Variants in CAMK1D observed in about 807,000 individuals in gnomAD.
CAMK1D encodes the protein calcium/calmodulin dependent protein kinase ID, also known as calcium/calmodulin-dependent protein kinase type 1D.
Under a neutral mutation model 47.7 loss-of-function variants are expected in CAMK1D, and 9 were observed. That is an observed-to-expected ratio of 0.19 (90% CI 0.11 to 0.33). The LOEUF is 0.33. Ranked by LOEUF, CAMK1D falls within the 10% of genes least tolerant of loss-of-function variation. The pLI is 1.00. For missense variants in CAMK1D, 291 were observed against 488.7 expected (o/e 0.60, Z 3.81); for synonymous variants, 184 against 184.9 (o/e 0.99, Z 0.04).
intron 2 of CAMK1D, among the ~76,000 whole-genome samples, chr10:12,633,581 G>C (rs898841658): frequency 2.6e-5 from 4 of 152,154 alleles, no homozygotes; most frequent in African/African-American, 9.7e-5. Context: ...TTTTGAGGTA[G>C]CATCTCACTC....
chr10:12,616,991 G>T (rs563154815), intron 2 of CAMK1D, among the ~76,000 whole-genome samples: 1 of 152,130 alleles, frequency 6.6e-6, no homozygotes, highest in Admixed American at 6.5e-5. Flanking sequence ...TGGAAGTGTA[G>T]CTTGGGGATC....
intron 2 of CAMK1D, among the ~76,000 whole-genome samples, chr10:12,625,268 G>A (rs1429690263): frequency 2.7e-5 from 4 of 150,534 alleles, no homozygotes; most frequent in African/African-American, 4.9e-5. Flanking sequence ...CCTGGGAGGC[G>A]GAGGTTGCAG....
chr10:12,606,698 T>C (rs1369294650), intron 2 of CAMK1D, among the ~76,000 whole-genome samples: 1 of 152,240 alleles, frequency 6.6e-6, no homozygotes, highest in African/African-American at 2.4e-5. Flanking sequence ...CACGCCCAAC[T>C]CTGAAGTCTG....
Position 12,690,512 on chromosome 10 carries a change from G to A in CAMK1D, c.299+23702G>A, listed in dbSNP as rs76764006. ...TATTTATGAGGGGGGTCAAGTGCCT[G>A]TGTAGTAGATAAACATATATGTAAC... On this transcript the variant is annotated intron_variant, in intron 3 of 10. Transcript: ENST00000619168. Among the ~76,000 whole-genome samples the A allele has an allele frequency of 5.9e-3, 896 of 152,284 alleles. 10 individuals carry two copies. The highest frequency in any genetic ancestry group is 0.02 in the African/African-American group (839 of 41,548).
chr10:12,641,370 C>G (rs914935566), intron 2 of CAMK1D, among the ~76,000 whole-genome samples: 13 of 151,914 alleles, frequency 8.6e-5, no homozygotes, highest in Non-Finnish European at 1.9e-4. Context: ...GCCTGTAATC[C>G]CAGCACTTTA....
At position 12,349,923 on chromosome 10, in the gene CAMK1D, C is replaced by G. The variant is rs539613946; in HGVS notation, c.92+13C>G. 4.0e-6 allele frequency: 6 copies of G among 1,513,082 alleles called. No homozygotes were observed. The South Asian group carries it at 4.7e-5, about 12-fold the overall frequency. The allele number at this position is 1,513,082 out of a possible 1,614,324, so 93.7% of individuals were successfully genotyped here. On this transcript the variant is annotated intron_variant, in intron 1 of 10. Coordinates refer to ENST00000619168, the MANE Select transcript of CAMK1D (RefSeq NM_153498.4). ...AGACCCTCGGAACGTAAGTGGGGAC[C>G]GGGGAGGCGAGGGTGGAGGTGGCCG... is the stretch of plus-strand genomic sequence containing the variant.
rs1193513321 is a variant in CAMK1D at position 12,835,390 on chromosome 10, A to G, written c.*6503A>G. On this transcript the variant is annotated 3_prime_UTR_variant, in exon 11 of 11. Coordinates refer to ENST00000619168, the MANE Select transcript of CAMK1D (RefSeq NM_153498.4). ...ATAAACTCTGCAAGAAGTTTAACCCACATAGGTTTGCGGCACTGCAAAATT... is the reference window on the plus strand; with the variant it reads ...ATAAACTCTGCAAGAAGTTTAACCCGCATAGGTTTGCGGCACTGCAAAATT... 6.6e-6 allele frequency: 1 copy of G among 152,232 alleles called. No individual in the cohort carries two copies. Among genetic ancestry groups the G allele is most frequent in the Admixed American group, 6.5e-5 (1 of 15,286 alleles). 9.4% of individuals were successfully genotyped at this position (152,232 alleles called of 1,614,324 possible).
At chr10:12,810,400 G>A (rs983881403) in intron 6 of CAMK1D, among the ~76,000 whole-genome samples, 3 of 151,076 alleles carry the variant, frequency 2.0e-5, no homozygotes, top group African/African-American at 4.9e-5. Context: ...TAAGCCTCCC[G>A]TGTAGCTGGG....
intron 1 of CAMK1D, among the ~76,000 whole-genome samples, chr10:12,393,734 A>C (rs1838832536): frequency 6.6e-6 from 1 of 152,212 alleles, no homozygotes; most frequent in Non-Finnish European, 1.5e-5. Context: ...GGCATGGGGA[A>C]GTGTCCTGCT....
intron 3 of CAMK1D, among the ~76,000 whole-genome samples, chr10:12,694,458 GTTATATATCATATATA>G (rs1191058598): frequency 6.3e-5 from 5 of 79,944 alleles, no homozygotes; most frequent in African/African-American, 1.5e-4. Flanking sequence ...AAATATATAT[GTTATATATCATATATA>G]AAATATATAT....
intron 2 of CAMK1D, among the ~76,000 whole-genome samples, chr10:12,562,183 T>C (rs1836965327): frequency 6.6e-6 from 1 of 152,136 alleles, no homozygotes; most frequent in Admixed American, 6.5e-5. Flanking sequence ...TTATGGCATA[T>C]GGCAGAAAAG....
At chr10:12,770,113 A>G (rs1354635212) in intron 5 of CAMK1D, among the ~76,000 whole-genome samples, 1 of 152,226 alleles carries the variant, frequency 6.6e-6, no homozygotes, top group Non-Finnish European at 1.5e-5. Flanking sequence ...GAGATACTGC[A>G]TACATCTGTT....
chr10:12,828,655 A>AT (rs1588977348), intron 10 of CAMK1D, 114 bp from the exon 11 acceptor site: 1 of 613,200 alleles, frequency 1.6e-6, no homozygotes, highest in Non-Finnish European at 2.7e-6. Context: ...AAAAAAAAAA[A>AT]TTGGGCCCCC....
chr10:12,734,101 G>A (rs947954874), intron 3 of CAMK1D, among the ~76,000 whole-genome samples: 6 of 151,504 alleles, frequency 4.0e-5, no homozygotes, highest in South Asian at 4.2e-4. Flanking sequence ...TCCGAGGCGC[G>A]TGGATCACTT....
intron 1 of CAMK1D, among the ~76,000 whole-genome samples, chr10:12,443,680 AGT>A (rs1207636211): frequency 1.3e-5 from 2 of 151,112 alleles, no homozygotes; most frequent in Non-Finnish European, 3.0e-5. Context: ...CCCAGGCTGG[AGT>A]AAAGTGGAGT....
chr10:12,671,031 C>T (rs1163048782), intron 3 of CAMK1D, among the ~76,000 whole-genome samples: 6 of 152,262 alleles, frequency 3.9e-5, no homozygotes, highest in African/African-American at 1.2e-4. Context: ...TTAGACTTTT[C>T]ATATGAATGG....
intron 1 of CAMK1D, among the ~76,000 whole-genome samples, chr10:12,375,297 C>G (rs1377246368): frequency 6.6e-6 from 1 of 152,150 alleles, no homozygotes; most frequent in Non-Finnish European, 1.5e-5. Flanking sequence ...AGAGAGCCTG[C>G]TTTTCTAAAT....
intron 1 of CAMK1D, among the ~76,000 whole-genome samples, chr10:12,493,127 G>A (rs982879210): frequency 6.6e-6 from 1 of 152,172 alleles, no homozygotes; most frequent in Non-Finnish European, 1.5e-5. Context: ...TTCATGACAC[G>A]GTTTCTAGAA....
At chr10:12,645,400 C>T (rs904729070) in intron 2 of CAMK1D, among the ~76,000 whole-genome samples, 1 of 152,304 alleles carries the variant, frequency 6.6e-6, no homozygotes, top group African/African-American at 2.4e-5. Context: ...CAACAAAGTA[C>T]AAACGTCAAA....
Sources: gnomAD v4.1 joint callset for allele counts (sites outside exome capture counted in the v4.1 genomes callset) on GRCh38, gnomAD v4.1.1 for gene constraint, MANE v1.5 for transcripts, NCBI Gene and HGNC (gene_info 2026-07-23, HGNC 2026-07-21) for gene names.